ARHGAP24: variants seen among roughly 807,000 people sequenced by gnomAD.
The protein encoded by ARHGAP24 is Rho GTPase activating protein 24, also known as rho GTPase-activating protein 24.
Under a neutral mutation model 76.4 loss-of-function variants are expected in ARHGAP24, and 50 were observed. The observed-to-expected ratio is 0.65, with a 90% CI of 0.52 to 0.83. ARHGAP24 has a LOEUF of 0.83. Ranked by LOEUF, ARHGAP24 falls within the 40% of genes least tolerant of loss-of-function variation. ARHGAP24 has a pLI of 0.00. For synonymous variants in ARHGAP24, 345 were observed against 323.3 expected (o/e 1.07, Z -0.72); for missense variants, 930 against 914.2 (o/e 1.02, Z -0.22).
chr4:85,532,230 T>A (rs960610065), intron 1 of ARHGAP24, among the ~76,000 whole-genome samples: 3 of 152,072 alleles, frequency 2.0e-5, no homozygotes, highest in Non-Finnish European at 4.4e-5. Flanking sequence ...TCTTTGTGAT[T>A]GATAGTGTTT....
intron 3 of ARHGAP24, among the ~76,000 whole-genome samples, chr4:85,831,151 C>T (rs548517311): frequency 7.4e-4 from 112 of 152,156 alleles, no homozygotes; most frequent in Middle Eastern, 3.4e-3. Context: ...ACCTATGTTC[C>T]CTTCAATAGC....
intron 3 of ARHGAP24, among the ~76,000 whole-genome samples, chr4:85,913,980 T>C (rs1404476897): frequency 6.6e-6 from 1 of 152,184 alleles, no homozygotes; most frequent in East Asian, 1.9e-4. Flanking sequence ...GTATAATGAA[T>C]CTGTATTCCA....
intron 3 of ARHGAP24, among the ~76,000 whole-genome samples, chr4:85,736,673 C>T (rs1002099691): frequency 1.3e-5 from 2 of 152,274 alleles, no homozygotes; most frequent in South Asian, 2.1e-4. Context: ...TTGAAGCAAT[C>T]GAGTACTTAC....
At chr4:85,834,160 A>G (rs77904373) in intron 3 of ARHGAP24, among the ~76,000 whole-genome samples, 12,824 of 152,250 alleles carry the variant, frequency 0.084, 632 homozygotes, top group Middle Eastern at 0.14. Context: ...AAGAGGTAGA[A>G]AAAGTTGGGG....
chr4:85,625,411 G>A (rs1396834311), intron 2 of ARHGAP24, among the ~76,000 whole-genome samples: 1 of 152,136 alleles, frequency 6.6e-6, no homozygotes, highest in Admixed American at 6.6e-5. Context: ...CTGAGCTCTA[G>A]TTTGATTGCA....
intron 2 of ARHGAP24, among the ~76,000 whole-genome samples, chr4:85,687,736 T>C (rs1723479901): frequency 6.6e-6 from 1 of 152,324 alleles, no homozygotes; most frequent in South Asian, 2.1e-4. Context: ...GGTTTTTTTT[T>C]CTTTTTTCAG....
intron 3 of ARHGAP24, among the ~76,000 whole-genome samples, chr4:85,880,898 C>G (rs1378950336): frequency 6.6e-6 from 1 of 152,156 alleles, no homozygotes; most frequent in African/African-American, 2.4e-5. Context: ...TTCACAAATT[C>G]ACAGGTGGAA....
At chr4:85,858,868 A>G (rs1731727797) in intron 3 of ARHGAP24, among the ~76,000 whole-genome samples, 1 of 152,130 alleles carries the variant, frequency 6.6e-6, no homozygotes, top group East Asian at 1.9e-4. Context: ...AAAAATAAAA[A>G]TAAATGAATC....
At chr4:85,855,885 C>T (rs1407198759) in intron 3 of ARHGAP24, among the ~76,000 whole-genome samples, 4 of 151,896 alleles carry the variant, frequency 2.6e-5, no homozygotes, top group Admixed American at 2.6e-4. Context: ...GGATATGATA[C>T]ATTATGCCCC....
At chr4:85,730,166 C>A (rs1725345740) in intron 3 of ARHGAP24, among the ~76,000 whole-genome samples, 2 of 152,202 alleles carry the variant, frequency 1.3e-5, no homozygotes, top group Non-Finnish European at 2.9e-5. Flanking sequence ...CTTTTAAACA[C>A]CATCTCAGTT....
chr4:85,642,208 G>A (rs1381069196), intron 2 of ARHGAP24, among the ~76,000 whole-genome samples: 2 of 152,066 alleles, frequency 1.3e-5, no homozygotes, highest in Non-Finnish European at 2.9e-5. Context: ...GACGGGAGAA[G>A]TTTAGAAAGA....
chr4:85,782,502 C>T (rs1311657120), intron 3 of ARHGAP24, among the ~76,000 whole-genome samples: 2 of 152,160 alleles, frequency 1.3e-5, no homozygotes, highest in Admixed American at 1.3e-4. Context: ...CTTCTTAGTA[C>T]AACCTTATGA....
At chr4:85,493,410 C>T (rs1723434584) in intron 1 of ARHGAP24, among the ~76,000 whole-genome samples, 1 of 152,196 alleles carries the variant, frequency 6.6e-6, no homozygotes, top group African/African-American at 2.4e-5. Context: ...AGTTAAAATT[C>T]TTCTACGCGG....
At chr4:85,909,559 A>C (rs1734954554) in intron 3 of ARHGAP24, among the ~76,000 whole-genome samples, 1 of 152,190 alleles carries the variant, frequency 6.6e-6, no homozygotes, top group Admixed American at 6.5e-5. Flanking sequence ...ATTACATATG[A>C]ATCAGACAAG....
At chr4:85,683,428 A>G (rs1026425332) in intron 2 of ARHGAP24, among the ~76,000 whole-genome samples, 2 of 152,182 alleles carry the variant, frequency 1.3e-5, no homozygotes, top group African/African-American at 4.8e-5. Flanking sequence ...TAAAAAGACC[A>G]TAAACTTTGA....
chr4:85,667,444 T>A lies in ARHGAP24; in HGVS notation c.181-54441T>A, dbSNP rs887285919. Among the ~76,000 whole-genome samples the A allele has an allele frequency of 2.0e-5, 3 of 152,304 alleles. No homozygotes were observed. The East Asian group carries it at 5.8e-4, about 29-fold the overall frequency. On this transcript the variant is annotated intron_variant, in intron 2 of 9. Transcript: ENST00000395184. ...GGAAAGGGAACTCCCTGACCCCTTGTGCTTCCTGAGGGAGGCAATGCCTTG... is the reference window on the plus strand; with the variant it reads ...GGAAAGGGAACTCCCTGACCCCTTGAGCTTCCTGAGGGAGGCAATGCCTTG...
intron 5 of ARHGAP24, among the ~76,000 whole-genome samples, chr4:85,968,541 T>C (rs1738766484): frequency 6.6e-6 from 1 of 152,166 alleles, no homozygotes; most frequent in Non-Finnish European, 1.5e-5. Context: ...GATAGAAGGC[T>C]AGAGAGTATG....
At chr4:85,717,736 G>A (rs1370874310) in intron 2 of ARHGAP24, among the ~76,000 whole-genome samples, 1 of 151,908 alleles carries the variant, frequency 6.6e-6, no homozygotes, top group East Asian at 1.9e-4. Flanking sequence ...TAACTAATCA[G>A]CCTGCCCTTA....
In ARHGAP24 at chr4:85,559,459, A is replaced by G. The variant is rs767059334; in HGVS notation, c.-20-11063A>G. On this transcript the variant is annotated intron_variant, in intron 1 of 9. Transcript: ENST00000395184. Reference sequence around the variant, plus strand: ...TTAGCAATGTTTAAGAACACAATACATTGTTATAGTCATGTTATACAATAG... The same window carrying G: ...TTAGCAATGTTTAAGAACACAATACGTTGTTATAGTCATGTTATACAATAG... Among the ~76,000 whole-genome samples the G allele has an allele frequency of 2.1e-3, 314 of 152,356 alleles. 2 individuals are homozygous for G. The highest frequency in any genetic ancestry group is 3.1e-3 in the Non-Finnish European group (212 of 68,044).
Sources: gnomAD v4.1 joint callset for allele counts (sites outside exome capture counted in the v4.1 genomes callset) on GRCh38, gnomAD v4.1.1 for gene constraint, MANE v1.5 for transcripts, NCBI Gene and HGNC (gene_info 2026-07-23, HGNC 2026-07-21) for gene names.